Variants in DMD observed in about 807,000 individuals in gnomAD.
DMD encodes the protein mutant dystrophin.
DMD carries 63 observed loss-of-function variants against 330.1 expected under a neutral mutation model. The ratio of observed to expected loss-of-function variants is 0.19; its 90% CI spans 0.16 to 0.24. DMD has a LOEUF of 0.24. DMD is among the 10% of genes least tolerant of loss of function. The pLI, the probability that DMD is intolerant of heterozygous loss-of-function variation, is 1.00. For synonymous variants in DMD, 1,223 were observed against 959.8 expected (o/e 1.27, Z -5.07); for missense variants, 3,344 against 2,684.1 (o/e 1.25, Z -5.43).
intron 44 of DMD, among the ~76,000 whole-genome samples, chrX:32,119,622 T>A (rs1190324676): frequency 9.0e-6 from 1 of 111,638 alleles, no homozygotes; most frequent in Non-Finnish European, 1.9e-5. Flanking sequence ...TACCCTCATC[T>A]TCTGATACTG....
intron 1 of DMD, among the ~76,000 whole-genome samples, chrX:33,127,220 C>T (rs1187462080): frequency 9.1e-6 from 1 of 110,361 alleles, no homozygotes; most frequent in African/African-American, 3.3e-5. Context: ...GAAAACTTGT[C>T]CAAGTCAGAA....
chrX:32,681,206 G>A (rs1285410715), intron 9 of DMD, among the ~76,000 whole-genome samples: 6 of 111,076 alleles, frequency 5.4e-5, no homozygotes, highest in Non-Finnish European at 7.5e-5. Context: ...TCTAAGCCTC[G>A]TAAAAAGCTC....
intron 9 of DMD, among the ~76,000 whole-genome samples, chrX:32,688,215 G>A (rs2063021237): frequency 9.0e-6 from 1 of 110,778 alleles, no homozygotes; most frequent in Non-Finnish European, 1.9e-5. Flanking sequence ...TGACTTAAAT[G>A]AGAGCATTCA....
chrX:31,310,206 C>CATATAT (rs3032561), intron 62 of DMD, among the ~76,000 whole-genome samples: 2 of 36,179 alleles, frequency 5.5e-5, no homozygotes, highest in African/African-American at 1.2e-4. Context: ...TCTCTCTCTC[C>CATATAT]ATATATATAT....
At chrX:32,335,799 T>C (rs893863904) in intron 41 of DMD, among the ~76,000 whole-genome samples, 2 of 103,989 alleles carry the variant, frequency 1.9e-5, no homozygotes, top group African/African-American at 3.5e-5. Flanking sequence ...ATGTTATATA[T>C]AACACGTGTA....
In DMD at chrX:31,496,953, G is replaced by C. The variant is rs775338222; in HGVS notation, c.8391-9C>G. ...TGGCTTCCAAATGGGACCTGAAAAAGAACAGCAGCGTACCATGTCAGAATA... is the reference window on the plus strand; with the variant it reads ...TGGCTTCCAAATGGGACCTGAAAAACAACAGCAGCGTACCATGTCAGAATA... On this transcript the variant is annotated splice_polypyrimidine_tract_variant and intron_variant, in intron 56 of 78. Transcript: ENST00000357033. 1 of 1,202,593 alleles carries C rather than the reference G, an allele frequency of 8.3e-7. No individual in the cohort carries two copies. Among genetic ancestry groups the C allele is most frequent in the Non-Finnish European group, 1.1e-6 (1 of 890,102 alleles).
intron 9 of DMD, among the ~76,000 whole-genome samples, chrX:32,679,381 T>G: frequency 9.0e-6 from 1 of 111,446 alleles, no homozygotes; most frequent in Admixed American, 9.5e-5. Context: ...TCTTGACATT[T>G]ACTGATTCCA....
intron 51 of DMD, among the ~76,000 whole-genome samples, chrX:31,756,244 A>G (rs1362104412): frequency 1.8e-5 from 2 of 111,643 alleles, no homozygotes; most frequent in Non-Finnish European, 3.8e-5. Flanking sequence ...CTCAAGATTC[A>G]TATTCTCTAT....
At chrX:32,775,875 T>C (rs1024383460) in intron 7 of DMD, among the ~76,000 whole-genome samples, 3 of 112,947 alleles carry the variant, frequency 2.7e-5, no homozygotes, top group African/African-American at 9.6e-5. Flanking sequence ...TTCTGCCGCA[T>C]GGACAGGCTG....
intron 57 of DMD, 46 bp downstream of exon 57, chrX:31,496,742 C>T: frequency 8.4e-7 from 1 of 1,191,803 alleles, no homozygotes; most frequent in South Asian, 1.8e-5. Flanking sequence ...CACTGGATTA[C>T]TATGTGCTTA....
At chrX:33,105,718 A>G (rs1364703856) in intron 1 of DMD, among the ~76,000 whole-genome samples, 1 of 112,372 alleles carries the variant, frequency 8.9e-6, no homozygotes, top group Non-Finnish European at 1.9e-5. Flanking sequence ...TAAAACCACA[A>G]TGAGATACTT....
rs748419295 is a variant in DMD, at chrX:32,287,587, G to T, written c.6232C>A (p.Leu2078Ile). Residue 2078 changes from leucine to isoleucine, a missense_variant, in exon 43 of 79, where the codon CTC becomes ATC. Leu to Ile is a conservative substitution (Grantham distance 5). Coordinates refer to ENST00000357033, the MANE Select transcript of DMD (RefSeq NM_004006.3). Reference sequence around the variant, plus strand: ...TCCCATTGGAAATCAAGCTGGGAGAGAGCTTCCTGTAGCTTCACCCTTTCC... The same window carrying T: ...TCCCATTGGAAATCAAGCTGGGAGATAGCTTCCTGTAGCTTCACCCTTTCC... ...PVERVKLQEA[L>I]SQLDFQWEKV... 2.5e-6 allele frequency: 3 copies of T among 1,211,124 alleles called. No homozygotes were observed.
chrX:33,034,868 G>A (rs1005307499), intron 1 of DMD, among the ~76,000 whole-genome samples: 3 of 111,857 alleles, frequency 2.7e-5, no homozygotes, highest in Non-Finnish European at 5.6e-5. Flanking sequence ...TCATAGTGTC[G>A]TTGTGAGGAC....
rs12689613 is a variant in DMD at position 32,295,526 on chromosome X, G to C, written c.6118-7825C>G. On this transcript the variant is annotated intron_variant, in intron 42 of 78. Coordinates refer to ENST00000357033, the MANE Select transcript of DMD (RefSeq NM_004006.3). ...CTCAAATGTGAGATATGAAAATAAA[G>C]ACTTTAAAATGTGAGTCTCTCCCTT... Among the ~76,000 whole-genome samples the C allele has an allele frequency of 0.026, 2,889 of 112,259 alleles. 157 individuals are homozygous for C. In the East Asian group the frequency reaches 0.33, roughly 13 times the overall value.
intron 63 of DMD, among the ~76,000 whole-genome samples, chrX:31,255,059 A>C (rs1221256433): frequency 3.7e-5 from 4 of 107,340 alleles, no homozygotes; most frequent in East Asian, 5.8e-4. Context: ...AAAAAAAAAA[A>C]CCCCAATAAA....
Position 32,928,763 on chromosome X carries a change from C to T in DMD, c.94-78943G>A, listed in dbSNP as rs528593896. On this transcript the variant is annotated intron_variant, in intron 2 of 78. Coordinates refer to ENST00000357033, the MANE Select transcript of DMD (RefSeq NM_004006.3). The stretch of plus-strand genomic sequence containing the variant: ...ATAAGGAGACGTACCAGTTATAACA[C>T]TGTTAACTTACATGGGGTTGGGGTA... Among the ~76,000 whole-genome samples the T allele has an allele frequency of 3.6e-5, 4 of 112,077 alleles. No homozygotes were observed. The South Asian group carries it at 1.1e-3, about 31-fold the overall frequency.
At chrX:32,868,665 C>G (rs2082709747) in intron 2 of DMD, among the ~76,000 whole-genome samples, 1 of 112,781 alleles carries the variant, frequency 8.9e-6, no homozygotes, top group Non-Finnish European at 1.9e-5. Flanking sequence ...AGGCCGGACT[C>G]TGACCCATCC....
chrX:32,094,327 A>G (rs1190228190), intron 44 of DMD, among the ~76,000 whole-genome samples: 3 of 112,075 alleles, frequency 2.7e-5, no homozygotes, highest in African/African-American at 6.5e-5. Context: ...AACACACAAT[A>G]TTGTTAAAAC....
intron 60 of DMD, among the ~76,000 whole-genome samples, chrX:31,431,085 C>A (rs958892784): frequency 9.1e-6 from 1 of 110,180 alleles, no homozygotes; most frequent in African/African-American, 3.3e-5. Flanking sequence ...CAGGCGTGAG[C>A]CACCGCGCCT....
Sources: allele counts gnomAD v4.1 joint callset (sites outside exome capture counted in the v4.1 genomes callset), GRCh38; gene constraint gnomAD v4.1.1; transcripts MANE v1.5; gene names NCBI Gene and HGNC (gene_info 2026-07-23, HGNC 2026-07-21).